The following AKAP6 variants were observed in gnomAD, a reference collection of about 807,000 sequenced individuals.
The protein encoded by AKAP6 is A-kinase anchor protein 6.
In AKAP6, 58 loss-of-function variants were observed where a neutral mutation model predicts 188.5. The ratio of observed to expected loss-of-function variants is 0.31; its 90% CI spans 0.25 to 0.38. AKAP6 has a LOEUF of 0.38. AKAP6 is among the 10% of genes least tolerant of loss of function. The pLI is 1.00. For missense variants in AKAP6, 2,710 were observed against 2,740.0 expected (o/e 0.99, Z 0.24); for synonymous variants, 989 against 998.6 (o/e 0.99, Z 0.18).
intron 11 of AKAP6, among the ~76,000 whole-genome samples, chr14:32,756,671 T>A (rs2032345119): frequency 6.6e-6 from 1 of 152,148 alleles, no homozygotes; most frequent in African/African-American, 2.4e-5. Context: ...CTGCAGGAGC[T>A]AGCTTAGAGC....
chr14:32,691,608 G>A (rs980976957), intron 8 of AKAP6, among the ~76,000 whole-genome samples: 5 of 152,028 alleles, frequency 3.3e-5, no homozygotes, highest in African/African-American at 1.2e-4. Context: ...GCCCAGGCTG[G>A]AGTACAATGC....
At chr14:32,554,610 G>C (rs4981985) in intron 4 of AKAP6, among the ~76,000 whole-genome samples, 1 of 151,958 alleles carries the variant, frequency 6.6e-6, no homozygotes, top group Non-Finnish European at 1.5e-5. Flanking sequence ...AAATAAAATC[G>C]ATTTATGAAG....
intron 9 of AKAP6, among the ~76,000 whole-genome samples, chr14:32,717,650 C>T (rs942467002): frequency 1.3e-5 from 2 of 150,884 alleles, no homozygotes; most frequent in Admixed American, 6.6e-5. Flanking sequence ...TGTTTCTCTT[C>T]GATGTAAGAG....
At chr14:32,363,875 C>T (rs1050566617) in intron 1 of AKAP6, among the ~76,000 whole-genome samples, 3 of 152,106 alleles carry the variant, frequency 2.0e-5, no homozygotes, top group Admixed American at 6.5e-5. Flanking sequence ...ACTAAAAAGG[C>T]GAATAGGTGG....
chr14:32,540,542 G>A (rs1362401625), intron 3 of AKAP6, among the ~76,000 whole-genome samples: 1 of 152,000 alleles, frequency 6.6e-6, no homozygotes, highest in Non-Finnish European at 1.5e-5. Context: ...AGTGGAGTGG[G>A]TACATGGCTA....
At chr14:32,804,755 G>A (rs538434694) in intron 12 of AKAP6, among the ~76,000 whole-genome samples, 211 of 152,166 alleles carry the variant, frequency 1.4e-3, no homozygotes, top group Non-Finnish European at 2.4e-3. Context: ...TATCTCAACC[G>A]TGTAAGACAG....
intron 1 of AKAP6, among the ~76,000 whole-genome samples, chr14:32,343,221 C>T (rs1308287508): frequency 7.1e-6 from 1 of 141,524 alleles, no homozygotes; most frequent in African/African-American, 2.8e-5. Context: ...CGGTACCTTC[C>T]TTGTCAAGTA....
chr14:32,563,492 G>A (rs191572269), intron 4 of AKAP6, among the ~76,000 whole-genome samples: 1 of 152,064 alleles, frequency 6.6e-6, no homozygotes, highest in Non-Finnish European at 1.5e-5. Context: ...TAGTACTGTG[G>A]GGGGGGAAGG....
chr14:32,473,331 A>G (rs1878882089), intron 2 of AKAP6, among the ~76,000 whole-genome samples: 1 of 152,190 alleles, frequency 6.6e-6, no homozygotes, highest in African/African-American at 2.4e-5. Context: ...CTCACATACA[A>G]CAGGTAATAA....
chr14:32,403,839 T>G (rs572573012), intron 1 of AKAP6, among the ~76,000 whole-genome samples: 1 of 152,220 alleles, frequency 6.6e-6, no homozygotes, highest in Admixed American at 6.5e-5. Context: ...CCATGGTAAA[T>G]GTATCTTCTG....
chr14:32,462,901 C>CAAAAAAAAAAAAAA (rs71143943), intron 2 of AKAP6, among the ~76,000 whole-genome samples: 2 of 8,836 alleles, frequency 2.3e-4, no homozygotes, highest in Non-Finnish European at 4.3e-4. Context: ...AAATGGAAAG[C>CAAAAAAAAAAAAAA]AAAAAAAAAA....
In AKAP6 at chr14:32,700,118, G is replaced by A. The variant is rs1320736390; in HGVS notation, c.3000+4008G>A. The stretch of plus-strand genomic sequence containing the variant: ...GTGTTATAGACTGAGTGACCTAGAA[G>A]CATTTCAACGTTTAGAGAGTTATAG... On this transcript the variant is annotated intron_variant, in intron 9 of 13. Transcript: ENST00000280979. 2.6e-5 allele frequency among the ~76,000 whole-genome samples: 4 copies of A among 152,158 alleles called. No individual in the cohort carries two copies. In the South Asian group the frequency reaches 6.2e-4, roughly 24 times the overall value.
In AKAP6 at chr14:32,824,180, G is replaced by A. The variant is rs2034612631; in HGVS notation, c.6367G>A (p.Gly2123Arg). 1 of 1,613,964 alleles carries A rather than the reference G, an allele frequency of 6.2e-7. No homozygotes were observed. Among genetic ancestry groups the A allele is most frequent in the South Asian group, 1.1e-5 (1 of 91,080 alleles). ...TCTCTCATCTCATGACAGTGATTGT[G>A]GGGAGGTCACCAATTACATAGAAGA... Reference protein sequence around the residue: ...LSLSSHDSDCGEVTNYIEEKS... With the variant: ...LSLSSHDSDCREVTNYIEEKS... Residue 2123 changes from glycine to arginine, a missense_variant, in exon 13 of 14, where the codon GGG becomes AGG. This residue lies in a region of AKAP6 where 2,473 missense variants were observed against 2,426.1 expected (regional missense o/e 1.02). Transcript: ENST00000280979.
At chr14:32,587,810 A>AGAGC (rs1218570463) in intron 5 of AKAP6, among the ~76,000 whole-genome samples, 2 of 152,190 alleles carry the variant, frequency 1.3e-5, no homozygotes, top group African/African-American at 4.8e-5. Context: ...GAAATTGCTG[A>AGAGC]GAGCTTCTCT....
At chr14:32,727,981 A>G (rs1381233605) in intron 9 of AKAP6, among the ~76,000 whole-genome samples, 1 of 152,232 alleles carries the variant, frequency 6.6e-6, no homozygotes, top group Non-Finnish European at 1.5e-5. Flanking sequence ...GCGGGGCAGC[A>G]CAAGAGCTGC....
chr14:32,739,343 C>G (rs888683056), intron 11 of AKAP6, among the ~76,000 whole-genome samples: 4 of 151,930 alleles, frequency 2.6e-5, no homozygotes, highest in African/African-American at 9.7e-5. Context: ...GGGTATCCAT[C>G]CCCTCAAGTA....
chr14:32,704,003 A>G (rs1890715047), intron 9 of AKAP6, among the ~76,000 whole-genome samples: 1 of 152,184 alleles, frequency 6.6e-6, no homozygotes, highest in South Asian at 2.1e-4. Context: ...AATCATTTGA[A>G]TTCTCCTGAA....
intron 2 of AKAP6, among the ~76,000 whole-genome samples, chr14:32,472,858 C>T (rs971349559): frequency 2.0e-5 from 3 of 151,040 alleles, no homozygotes; most frequent in Non-Finnish European, 2.9e-5. Context: ...ACTTAAAGGT[C>T]GTGAAAATAG....
chr14:32,439,188 A>C (rs1890485817), intron 2 of AKAP6, among the ~76,000 whole-genome samples: 1 of 152,216 alleles, frequency 6.6e-6, no homozygotes, highest in Non-Finnish European at 1.5e-5. Context: ...GATGTCTGGG[A>C]CATCTGAAGT....
Sources: allele counts gnomAD v4.1 joint callset (sites outside exome capture counted in the v4.1 genomes callset), GRCh38; gene constraint gnomAD v4.1.1; regional missense constraint gnomAD v4.1.1; transcripts MANE v1.5; gene names NCBI Gene and HGNC (gene_info 2026-07-23, HGNC 2026-07-21).